NELFCD: variants seen among roughly 807,000 people sequenced by gnomAD.
NELFCD encodes the protein negative elongation factor complex member C/D, also known as negative elongation factor C/D.
In NELFCD, 48 loss-of-function variants were observed where a neutral mutation model predicts 72.9. That is an observed-to-expected ratio of 0.66 (90% CI 0.52 to 0.84). The LOEUF is 0.84. Among genes scored for constraint, NELFCD ranks in the 40% least tolerant of loss-of-function variants. The pLI is 0.00. For synonymous variants in NELFCD, 297 were observed against 280.6 expected (o/e 1.06, Z -0.59); for missense variants, 538 against 723.8 (o/e 0.74, Z 2.94).
At chr20:58,994,047 C>T (rs191922872) in intron 13 of NELFCD, 63 bp from the exon 14 acceptor site, 56 of 1,583,170 alleles carry the variant, frequency 3.5e-5, no homozygotes, top group Admixed American at 3.3e-4. Flanking sequence ...CCATTTCACC[C>T]GGATGTCGGT....
intron 9 of NELFCD, 37 bp from the exon 10 acceptor site, chr20:58,991,844 C>A: frequency 6.2e-7 from 1 of 1,607,680 alleles, no homozygotes; most frequent in Non-Finnish European, 8.5e-7. Flanking sequence ...GGGATATCTG[C>A]CCTGTCAGGC....
chr20:58,989,951 A>C lies in NELFCD; in HGVS notation c.751A>C (p.Arg251=). Residue 251 remains arginine (R), a synonymous_variant, in exon 7 of 15, where the codon AGG becomes CGG. Transcript: ENST00000652272. ...QEEQGGSAVR[R]IAQEVQRFAQ... The stretch of plus-strand genomic sequence containing the variant: ...GGAGCAGGGGGGCTCCGCTGTGCGC[A>C]GGATCGCCCAGGAAGTGCAGCGCTT... 1.2e-6 allele frequency: 2 copies of C among 1,613,870 alleles called. No individual in the cohort carries two copies.
At position 58,990,587 on chromosome 20, in the gene NELFCD, TAACAA is replaced by T. The variant is rs1223444253; in HGVS notation, c.789-321_789-317del. On this transcript the variant is annotated intron_variant, in intron 7 of 14. Transcript: ENST00000652272. ...GGGCTTTTACACTGGGGTTCTGAAG[TAACAA>T]ACAAAGTCAGTCCAGAAATAGTTGC... The T allele has an allele frequency of 8.0e-5, 19 of 238,900 alleles. No individual in the cohort carries two copies. In the East Asian group the frequency reaches 1.7e-3, roughly 22 times the overall value. 14.8% of individuals were successfully genotyped at this position (238,900 alleles called of 1,614,324 possible).
chr20:58,990,055 C>A, intron 7 of NELFCD, 67 bp downstream of exon 7: 1 of 1,575,332 alleles, frequency 6.3e-7, no homozygotes, highest in Non-Finnish European at 8.6e-7. Context: ...TCCCATGGCC[C>A]GTGTTCCACA....
Position 58,988,976 on chromosome 20 carries a change from G to C in NELFCD, c.459G>C (p.Leu153=). The change falls in exon 5 of 15, where the codon CTG becomes CTC. Residue 153 remains leucine, a synonymous_variant. Coordinates refer to ENST00000652272, the MANE Select transcript of NELFCD (RefSeq NM_198976.4). Reference sequence around the variant, plus strand: ...CGTGGCGGGACCTTTTTTATAAACTGGCTGAAGCCCATCCAGACTGTTTGA... The same window carrying C: ...CGTGGCGGGACCTTTTTTATAAACTCGCTGAAGCCCATCCAGACTGTTTGA... ...HTTWRDLFYK[L]AEAHPDCLML... 1 of 1,614,162 alleles carries C rather than the reference G, an allele frequency of 6.2e-7. No homozygotes were observed. Among genetic ancestry groups the C allele is most frequent in the Non-Finnish European group, 8.5e-7 (1 of 1,179,986 alleles).
chr20:58,992,914 G>T, intron 10 of NELFCD, 84 bp from the exon 11 acceptor site: 15 of 905,158 alleles, frequency 1.7e-5, no homozygotes, highest in Non-Finnish European at 2.3e-5. Flanking sequence ...ATTTGAGTTT[G>T]TTTTTAACTT....
chr20:58,992,367 T>C (rs971968461), intron 10 of NELFCD, among the ~76,000 whole-genome samples: 1 of 152,204 alleles, frequency 6.6e-6, no homozygotes, highest in African/African-American at 2.4e-5. Context: ...AATAGACGTG[T>C]CCTAGAAATA....
intron 5 of NELFCD, 105 bp downstream of exon 5, chr20:58,989,126 G>A (rs2091794365): frequency 1.2e-6 from 1 of 803,006 alleles, no homozygotes; most frequent in Non-Finnish European, 2.0e-6. Flanking sequence ...TTCCATAAAG[G>A]TCTTTATTGT....
In NELFCD at chr20:58,991,301, C is replaced by T. The variant is rs1424946578; in HGVS notation, c.955-11C>T. Reference sequence around the variant, plus strand: ...CCTGCCATCCCGAACTGGGCATATGCTTCTCCTCAGATCCGCGTTCCAGCC... The same window carrying T: ...CCTGCCATCCCGAACTGGGCATATGTTTCTCCTCAGATCCGCGTTCCAGCC... On this transcript the variant is annotated splice_polypyrimidine_tract_variant and intron_variant, in intron 8 of 14. Transcript: ENST00000652272. 1.9e-6 allele frequency: 3 copies of T among 1,614,186 alleles called. No homozygotes were observed. Among genetic ancestry groups the T allele is most frequent in the Non-Finnish European group, 2.5e-6 (3 of 1,180,034 alleles).
intron 7 of NELFCD, chr20:58,990,692 C>G: frequency 2.0e-6 from 1 of 494,252 alleles, no homozygotes; most frequent in Non-Finnish European, 3.6e-6. Flanking sequence ...TAGAGTGTTC[C>G]TAAGTATTTA....
At position 58,991,845 on chromosome 20, in the gene NELFCD, C is replaced by T. The variant is rs1327990205; in HGVS notation, c.1090-36C>T. Reference sequence around the variant, plus strand: ...ACACCCCGACAGCAGGGATATCTGCCCTGTCAGGCTCACCAGCTTGTGTGT... The same window carrying T: ...ACACCCCGACAGCAGGGATATCTGCTCTGTCAGGCTCACCAGCTTGTGTGT... On this transcript the variant is annotated intron_variant, in intron 9 of 14. Transcript: ENST00000652272. 3.7e-6 allele frequency: 6 copies of T among 1,607,762 alleles called. No homozygotes were observed. The South Asian group carries it at 6.6e-5, about 18-fold the overall frequency.
Position 58,986,073 on chromosome 20 carries a change from C to A in NELFCD, c.61-20C>A. ...TGTATTAATGAAAAAAATATCCTGGCTCTTCGCATTTACCAACAGCAGGAG... is the reference window on the plus strand; with the variant it reads ...TGTATTAATGAAAAAAATATCCTGGATCTTCGCATTTACCAACAGCAGGAG... On this transcript the variant is annotated intron_variant, in intron 1 of 14. Transcript: ENST00000652272. This position sits in a 1 kb window ranked among gnomAD's most constrained non-coding sequence, Gnocchi z 4.4. 1.3e-6 allele frequency: 2 copies of A among 1,530,424 alleles called. No homozygotes were observed. The highest frequency in any genetic ancestry group is 9.1e-7 in the Non-Finnish European group (1 of 1,103,610). 94.8% of individuals were successfully genotyped at this position (1,530,424 alleles called of 1,614,324 possible).
chr20:58,990,008 C>G lies in NELFCD; in HGVS notation c.788+20C>G, dbSNP rs780773406. 6.2e-7 allele frequency: 1 copy of G among 1,608,902 alleles called. No individual in the cohort carries two copies. Among genetic ancestry groups the G allele is most frequent in the Non-Finnish European group, 8.5e-7 (1 of 1,179,628 alleles). ...GGAGAAGTGAGAGGCCCTGTTTCTG[C>G]TCAGCCCTTCCTTCCTAGTGCTCCC... On this transcript the variant is annotated intron_variant, in intron 7 of 14. Transcript: ENST00000652272.
chr20:58,987,044 C>T (rs2091777798), intron 3 of NELFCD, 181 bp downstream of exon 3: 1 of 538,650 alleles, frequency 1.9e-6, no homozygotes, highest in Non-Finnish European at 3.2e-6. Flanking sequence ...TATCTGCTTG[C>T]CTCTTATCTT....
In NELFCD at chr20:58,993,113, G is replaced by T; in HGVS notation, c.1344+1G>T. ...TGTCCACCTGGCGTTGCTGGATGAG[G>T]TAAGAGGGCGGAGAGCTGTTCACAG... is the stretch of plus-strand genomic sequence containing the variant. On this transcript the variant is annotated splice_donor_variant, in intron 11 of 14. Transcript: ENST00000652272. LOFTEE classifies it high-confidence loss of function. This position sits in a 1 kb window ranked among gnomAD's most constrained non-coding sequence, Gnocchi z 5.0. 2 of 1,609,670 alleles carry T rather than the reference G, an allele frequency of 1.2e-6. No individual in the cohort carries two copies. The highest frequency in any genetic ancestry group is 1.7e-5 in the Admixed American group (1 of 60,014).
Position 58,991,516 on chromosome 20 carries a change from T to C in NELFCD, c.1089+70T>C. The C allele has an allele frequency of 1.9e-6, 3 of 1,576,258 alleles. No individual in the cohort carries two copies. In the South Asian group the frequency reaches 3.4e-5, roughly 18 times the overall value. On this transcript the variant is annotated intron_variant, in intron 9 of 14. Transcript: ENST00000652272. ...ATCCTCCTCTGCTTTGATATTATTT[T>C]GGAATTTTGGCTGCAAGAAATCTTG...
chr20:58,990,149 C>T, intron 7 of NELFCD, 161 bp downstream of exon 7: 4 of 931,524 alleles, frequency 4.3e-6, no homozygotes, highest in Non-Finnish European at 4.7e-6. Context: ...GTAATCCCAG[C>T]ACTTTGGGAG....
chr20:58,985,677 C>G (rs573990318), intron 1 of NELFCD, among the ~76,000 whole-genome samples: 2 of 152,250 alleles, frequency 1.3e-5, no homozygotes, highest in Admixed American at 1.3e-4. Context: ...ATAGTGAAAA[C>G]AATAATAATA....
intron 1 of NELFCD, among the ~76,000 whole-genome samples, chr20:58,981,998 G>C (rs2091737061): frequency 6.6e-6 from 1 of 151,810 alleles, no homozygotes; most frequent in Admixed American, 6.6e-5. Context: ...TGCAGAGCCA[G>C]GGCAGGTAGC....
Sources: gnomAD v4.1 joint callset for allele counts (sites outside exome capture counted in the v4.1 genomes callset) on GRCh38, gnomAD v4.1.1 for gene constraint, Gnocchi (gnomAD v3.1) non-coding constraint, MANE v1.5 for transcripts, NCBI Gene and HGNC (gene_info 2026-07-23, HGNC 2026-07-21) for gene names.